CFAP299: variants seen among roughly 807,000 people sequenced by gnomAD.
The protein encoded by CFAP299 is cilia and flagella associated protein 299, also known as cilia- and flagella-associated protein 299.
Under a neutral mutation model 27.0 loss-of-function variants are expected in CFAP299, and 21 were observed. The ratio of observed to expected loss-of-function variants is 0.78; its 90% CI spans 0.55 to 1.12. The LOEUF is 1.12. Ranked by LOEUF, CFAP299 falls within the 50% of genes most tolerant of loss-of-function variation. The pLI is 0.00. For synonymous variants in CFAP299, 104 were observed against 98.1 expected, an observed-to-expected ratio of 1.06 and a Z score of -0.36; for missense variants, 310 against 276.6, an observed-to-expected ratio of 1.12 and a Z score of -0.86.
At position 80,834,855 on chromosome 4, in the gene CFAP299, A is replaced by C. The variant is rs190998784; in HGVS notation, c.334-35138A>C. Among the ~76,000 whole-genome samples, 7 of 152,252 alleles carry C rather than the reference A, an allele frequency of 4.6e-5. No individual in the cohort carries two copies. The East Asian group carries it at 1.4e-3, about 29-fold the overall frequency. On this transcript the variant is annotated intron_variant, in intron 3 of 5. Transcript: ENST00000358105. ...ACCGCTGGACAATGGCCAGCCACCTACAGAAATTCAACAGCATACTAACTC... is the reference window on the plus strand; with the variant it reads ...ACCGCTGGACAATGGCCAGCCACCTCCAGAAATTCAACAGCATACTAACTC...
intron 4 of CFAP299, chr4:80,872,895 T>G: frequency 3.1e-6 from 3 of 965,134 alleles, no homozygotes; most frequent in Non-Finnish European, 3.7e-6. Context: ...TTTCAAAATA[T>G]CATCTCTCTG....
intron 4 of CFAP299, among the ~76,000 whole-genome samples, chr4:80,938,260 A>G (rs552150259): frequency 9.8e-5 from 15 of 152,332 alleles, no homozygotes; most frequent in Non-Finnish European, 2.1e-4. Flanking sequence ...AAAGCTGGGC[A>G]GCACAGTTAA....
intron 3 of CFAP299, among the ~76,000 whole-genome samples, chr4:80,853,033 T>C (rs528818826): frequency 6.6e-6 from 1 of 152,218 alleles, no homozygotes; most frequent in Non-Finnish European, 1.5e-5. Flanking sequence ...ATTTATTTAT[T>C]TATTTATTTA....
intron 2 of CFAP299, among the ~76,000 whole-genome samples, chr4:80,382,464 ATC>A (rs1445033581): frequency 3.3e-5 from 5 of 152,220 alleles, no homozygotes; most frequent in African/African-American, 1.2e-4. Context: ...ACTACCCAGT[ATC>A]TATAAGGAAC....
chr4:80,509,258 T>C (rs1366190495), intron 2 of CFAP299, among the ~76,000 whole-genome samples: 1 of 152,238 alleles, frequency 6.6e-6, no homozygotes, highest in Non-Finnish European at 1.5e-5. Context: ...GGCAGTCTTT[T>C]ATTAGCTTAC....
At chr4:80,478,892 C>A (rs980795653) in intron 2 of CFAP299, among the ~76,000 whole-genome samples, 3 of 151,362 alleles carry the variant, frequency 2.0e-5, no homozygotes, top group African/African-American at 7.3e-5. Context: ...GAATGTGAAG[C>A]AATCTCAGAC....
intron 3 of CFAP299, among the ~76,000 whole-genome samples, chr4:80,861,259 C>T (rs1164300015): frequency 2.6e-5 from 4 of 152,114 alleles, no homozygotes; most frequent in Non-Finnish European, 5.9e-5. Flanking sequence ...TTAAGCCCGT[C>T]AGAAAAGTGC....
chr4:80,487,091 C>A (rs936779159), intron 2 of CFAP299, among the ~76,000 whole-genome samples: 12 of 152,122 alleles, frequency 7.9e-5, no homozygotes, highest in Admixed American at 6.5e-4. Context: ...ATTTAAAATA[C>A]CTTAACAATG....
the CFAP299 span, among the ~76,000 whole-genome samples, chr4:80,330,536 C>G: frequency 1.3e-5 from 2 of 152,106 alleles, no homozygotes; most frequent in Non-Finnish European, 2.9e-5. Context: ...GAGACTCAGT[C>G]ACATGGACAT....
At chr4:80,358,826 T>A (rs1723400297) in intron 1 of CFAP299, among the ~76,000 whole-genome samples, 1 of 152,082 alleles carries the variant, frequency 6.6e-6, no homozygotes. Flanking sequence ...ACATTCAGAG[T>A]TAGTATTGAT....
intron 3 of CFAP299, among the ~76,000 whole-genome samples, chr4:80,650,139 T>C (rs190504695): frequency 3.3e-5 from 5 of 152,164 alleles, no homozygotes; most frequent in African/African-American, 1.2e-4. Flanking sequence ...TAAAATATGT[T>C]AGGAAAGTTA....
chr4:80,606,551 G>A (rs116251905), intron 3 of CFAP299, among the ~76,000 whole-genome samples: 1,805 of 152,162 alleles, frequency 0.012, 19 homozygotes, highest in African/African-American at 0.025. Context: ...AAAAAGATAT[G>A]TAGCCATAGC....
chr4:80,768,814 A>G (rs1363593236), intron 3 of CFAP299, among the ~76,000 whole-genome samples: 1 of 152,212 alleles, frequency 6.6e-6, no homozygotes, highest in Non-Finnish European at 1.5e-5. Context: ...AAAAATGAGT[A>G]CAACTGAGTT....
chr4:80,572,343 G>T (rs1316104764), intron 2 of CFAP299, among the ~76,000 whole-genome samples: 1 of 151,418 alleles, frequency 6.6e-6, no homozygotes, highest in African/African-American at 2.4e-5. Context: ...CCATCCTCTG[G>T]TAACCATCAT....
At chr4:80,871,093 GAC>G in intron 4 of CFAP299, 1 of 516,048 alleles carries the variant, frequency 1.9e-6, no homozygotes, top group Non-Finnish European at 2.5e-6. Flanking sequence ...TTTTAGTAGA[GAC>G]AGGGTTCCAC....
rs189471904 is a variant in CFAP299, at chr4:80,924,045, G to C, written c.477-20765G>C. Among the ~76,000 whole-genome samples the C allele has an allele frequency of 5.7e-3, 873 of 151,962 alleles. 12 individuals carry two copies. Among genetic ancestry groups the C allele is most frequent in the South Asian group, 0.048 (232 of 4,814 alleles). ...AGGAAGGGAGAGATGAAACTGATGG[G>C]CATTTGTGAATAACAGTTGATTCTA... On this transcript the variant is annotated intron_variant, in intron 4 of 5. Transcript: ENST00000358105.
intron 3 of CFAP299, among the ~76,000 whole-genome samples, chr4:80,800,765 GTGTA>G (rs1243843702): frequency 4.5e-4 from 57 of 127,378 alleles, no homozygotes; most frequent in African/African-American, 1.3e-3. Context: ...GTGTGTGTGT[GTGTA>G]TATATATATA....
chr4:80,629,569 C>T (rs1342200735), intron 3 of CFAP299, among the ~76,000 whole-genome samples: 2 of 151,972 alleles, frequency 1.3e-5, no homozygotes, highest in South Asian at 2.1e-4. Flanking sequence ...ATAATATATG[C>T]ACTTTTATCT....
intron 3 of CFAP299, among the ~76,000 whole-genome samples, chr4:80,832,047 A>G (rs1181948308): frequency 6.6e-6 from 1 of 152,114 alleles, no homozygotes; most frequent in Non-Finnish European, 1.5e-5. Context: ...TATGTGTCAG[A>G]TTTGTTTTCC....
Sources: gnomAD v4.1 joint callset for allele counts (sites outside exome capture counted in the v4.1 genomes callset) on GRCh38, gnomAD v4.1.1 for gene constraint, MANE v1.5 for transcripts, NCBI Gene and HGNC (gene_info 2026-07-23, HGNC 2026-07-21) for gene names.